The following CATSPERB variants were observed in gnomAD, a reference collection of about 807,000 sequenced individuals.
CATSPERB encodes catsper channel auxiliary subunit beta.
A neutral mutation model predicts 128.3 loss-of-function variants in CATSPERB; 93 were observed. That is an observed-to-expected ratio of 0.72 (90% CI 0.61 to 0.86). CATSPERB has a LOEUF of 0.86. CATSPERB is among the 40% of genes least tolerant of loss of function. The pLI is 0.00. For missense variants in CATSPERB, 1,153 were observed against 1,329.5 expected (o/e 0.87, Z 2.06); for synonymous variants, 381 against 448.8 (o/e 0.85, Z 1.91).
chr14:91,631,681 A>T (rs1277272938), intron 17 of CATSPERB, among the ~76,000 whole-genome samples: 1 of 151,982 alleles, frequency 6.6e-6, no homozygotes, highest in Non-Finnish European at 1.5e-5. Context: ...ACAAACAAAA[A>T]TAATAATAAT....
At chr14:91,607,694 G>GCT (rs1405818280) in intron 22 of CATSPERB, among the ~76,000 whole-genome samples, 1 of 152,158 alleles carries the variant, frequency 6.6e-6, no homozygotes, top group East Asian at 1.9e-4. Flanking sequence ...TCGTGTACGT[G>GCT]CACATGTGTA....
At chr14:91,697,753 C>T (rs1292302457) in intron 7 of CATSPERB, among the ~76,000 whole-genome samples, 2 of 152,008 alleles carry the variant, frequency 1.3e-5, no homozygotes, top group Non-Finnish European at 2.9e-5. Context: ...TGGTTTTGTA[C>T]CAGTGCCATG....
At chr14:91,614,218 G>C (rs1455671613) in intron 20 of CATSPERB, among the ~76,000 whole-genome samples, 1 of 152,098 alleles carries the variant, frequency 6.6e-6, no homozygotes, top group East Asian at 1.9e-4. Flanking sequence ...AGGGATCTTA[G>C]CCACAATAAA....
chr14:91,690,389 C>T (rs953468897), intron 10 of CATSPERB, among the ~76,000 whole-genome samples: 1 of 152,132 alleles, frequency 6.6e-6, no homozygotes, highest in South Asian at 2.1e-4. Flanking sequence ...GATCTAGTAG[C>T]AAACAGCATA....
In CATSPERB at chr14:91,608,490, A is replaced by G. The variant is rs552827013; in HGVS notation, c.2599-86T>C. On this transcript the variant is annotated intron_variant, in intron 21 of 26. Coordinates refer to ENST00000256343, the MANE Select transcript of CATSPERB (RefSeq NM_024764.4). ...ATCTTGACTTTCTAGAAAACCAATC[A>G]AGGCAAAAATTCAATTTTTAGCTAC... is the stretch of plus-strand genomic sequence containing the variant. 31 of 834,934 alleles carry G rather than the reference A, an allele frequency of 3.7e-5. No homozygotes were observed. In the African/African-American group the frequency reaches 5.0e-4, roughly 13 times the overall value. 51.7% of individuals were successfully genotyped at this position (834,934 alleles called of 1,614,324 possible). A position where few individuals can be genotyped will look rare whatever the true frequency, so the allele number is the denominator to read the frequency against.
chr14:91,603,160 T>C, intron 22 of CATSPERB: 1 of 787,658 alleles, frequency 1.3e-6, no homozygotes, highest in Non-Finnish European at 2.4e-6. Context: ...CCTTCATGTA[T>C]CTTTTACTAT....
At chr14:91,685,650 C>A (rs997293595) in intron 10 of CATSPERB, among the ~76,000 whole-genome samples, 6 of 152,034 alleles carry the variant, frequency 3.9e-5, no homozygotes, top group Admixed American at 3.9e-4. Context: ...AGGAGGAGCA[C>A]CTTGGTGGTC....
chr14:91,601,341 T>A (rs1595140969), intron 22 of CATSPERB, among the ~76,000 whole-genome samples: 1 of 152,272 alleles, frequency 6.6e-6, no homozygotes, highest in East Asian at 1.9e-4. Flanking sequence ...GATAGGAAAA[T>A]CAGATTACAA....
intron 7 of CATSPERB, among the ~76,000 whole-genome samples, chr14:91,703,317 C>A (rs1372678703): frequency 1.3e-5 from 2 of 152,144 alleles, no homozygotes; most frequent in African/African-American, 4.8e-5. Flanking sequence ...TGATAGAGAA[C>A]TCCTAAAACC....
At chr14:91,608,229 T>A in intron 22 of CATSPERB, 65 bp downstream of exon 22, 1 of 1,007,694 alleles carries the variant, frequency 9.9e-7, no homozygotes, top group Non-Finnish European at 1.6e-6. Context: ...GCTATATATA[T>A]AATTTTACTG....
chr14:91,672,677 A>G (rs1895119005), intron 13 of CATSPERB, among the ~76,000 whole-genome samples, 190 bp downstream of exon 13: 1 of 152,252 alleles, frequency 6.6e-6, no homozygotes, highest in African/African-American at 2.4e-5. Context: ...CATTTTCATC[A>G]AAATGAATGA....
intron 10 of CATSPERB, among the ~76,000 whole-genome samples, chr14:91,685,217 A>G (rs757669519): frequency 1.3e-5 from 2 of 152,186 alleles, no homozygotes; most frequent in Non-Finnish European, 2.9e-5. Flanking sequence ...ATGAGCCACT[A>G]TGACTGGCCG....
chr14:91,621,580 T>C (rs971499102), intron 19 of CATSPERB, 28 bp downstream of exon 19: 3 of 1,465,016 alleles, frequency 2.0e-6, no homozygotes, highest in South Asian at 2.6e-5. Flanking sequence ...CATTTCCTTT[T>C]TATATTTTCC....
rs193066317 is a variant in CATSPERB, at chr14:91,622,876, G to A, written c.1931-939C>T. 1.9e-3 allele frequency among the ~76,000 whole-genome samples: 269 copies of A among 144,958 alleles called. 2 individuals carry two copies. The highest frequency in any genetic ancestry group is 3.1e-3 in the Non-Finnish European group (208 of 66,628). ...ACATGACTCCAGCCAACAGCTTTTTGTCAAAGTTCTCAATGACTTTTTTTT... is the reference window on the plus strand; with the variant it reads ...ACATGACTCCAGCCAACAGCTTTTTATCAAAGTTCTCAATGACTTTTTTTT... On this transcript the variant is annotated intron_variant, in intron 18 of 26. Coordinates refer to ENST00000256343, the MANE Select transcript of CATSPERB (RefSeq NM_024764.4).
At chr14:91,665,808 C>T (rs561923066) in intron 14 of CATSPERB, among the ~76,000 whole-genome samples, 105 of 152,036 alleles carry the variant, frequency 6.9e-4, no homozygotes, top group African/African-American at 2.4e-3. Context: ...AGGTGGTGGT[C>T]GCAGTGAGCC....
intron 26 of CATSPERB, among the ~76,000 whole-genome samples, chr14:91,585,087 G>A (rs1277510348): frequency 1.3e-5 from 2 of 151,858 alleles, no homozygotes; most frequent in Non-Finnish European, 2.9e-5. Context: ...CATGATCTCA[G>A]CTCACCTTAG....
At chr14:91,725,289 A>G (rs1263511185) in intron 2 of CATSPERB, 121 bp from the exon 3 acceptor site, 2 of 449,852 alleles carry the variant, frequency 4.4e-6, no homozygotes, top group African/African-American at 4.0e-5. Context: ...GCACATTTTA[A>G]ATTCACTTTA....
intron 11 of CATSPERB, among the ~76,000 whole-genome samples, chr14:91,679,035 G>GA (rs1471255073): frequency 1.8e-4 from 28 of 152,114 alleles, no homozygotes; most frequent in Non-Finnish European, 4.0e-4. Context: ...GATTAAAAAT[G>GA]AAAAAATCAA....
rs373403729 is a variant in CATSPERB, at chr14:91,710,331, A to G, written c.371-2095T>C. 73 of 152,356 alleles carry G rather than the reference A, an allele frequency of 4.8e-4. 1 individual carries two copies. Among genetic ancestry groups the G allele is most frequent in the African/African-American group, 1.6e-3 (65 of 41,590 alleles). The allele number at this position is 152,356 out of a possible 1,614,324, so 9.4% of individuals were successfully genotyped here. On this transcript the variant is annotated intron_variant, in intron 5 of 26. Coordinates refer to ENST00000256343, the MANE Select transcript of CATSPERB (RefSeq NM_024764.4). ...TTTAAACTATATGTATTCAAATTCT[A>G]ATAGATATAGCTGTAGCCCATAAGA...
Sources: allele counts gnomAD v4.1 joint callset (sites outside exome capture counted in the v4.1 genomes callset), GRCh38; gene constraint gnomAD v4.1.1; transcripts MANE v1.5; gene names NCBI Gene and HGNC (gene_info 2026-07-23, HGNC 2026-07-21).